Variants in DKK4 observed in about 807,000 individuals in gnomAD.
DKK4 encodes dickkopf Wnt signaling pathway inhibitor 4, also known as dickkopf-related protein 4.
DKK4 carries 15 observed loss-of-function variants against 14.5 expected under a neutral mutation model. The observed-to-expected ratio is 1.03, with a 90% CI of 0.69 to 1.59. The LOEUF is 1.59. Among genes scored for constraint, DKK4 ranks in the 40% most tolerant of loss-of-function variants. DKK4 has a pLI of 0.00. For synonymous variants in DKK4, 89 were observed against 105.2 expected (o/e 0.85, Z 0.94); for missense variants, 272 against 280.3 (o/e 0.97, Z 0.21).
chr8:42,376,942 G>A lies in DKK4; in HGVS notation c.104C>T (p.Ala35Val), dbSNP rs1429773544. The A allele has an allele frequency of 6.2e-7, 1 of 1,613,472 alleles. No individual in the cohort carries two copies. The highest frequency in any genetic ancestry group is 2.2e-5 in the East Asian group (1 of 44,884). The change falls in exon 1 of 4, where the codon GCC (alanine) becomes GTC (valine). Residue 35 changes from alanine to valine, a missense_variant. Physicochemically the swap from Ala to Val is moderately conservative, Grantham distance 64. Coordinates refer to ENST00000220812, the MANE Select transcript of DKK4 (RefSeq NM_014420.3). ...NIRSSADLHG[A>V]RKGSQCLSDT... ...CCTCCCTAGCAGCCTTACCTTCCGG[G>A]CCCCATGCAGGTCAGCAGAGCTCCT...
chr8:42,389,030 C>A, the DKK4 span, among the ~76,000 whole-genome samples: 2 of 152,132 alleles, frequency 1.3e-5, no homozygotes, highest in Non-Finnish European at 2.9e-5. Context: ...GCAGCCTTGA[C>A]CTCCCTGGGC....
At position 42,374,123 on chromosome 8, in the gene DKK4, A is replaced by G. The variant is rs200776586; in HGVS notation, c.652T>C (p.Cys218Arg). Residue 218 changes from cysteine (C) to arginine (R), a missense_variant, in exon 4 of 4, where the codon TGC (cysteine) becomes CGC (arginine). Physicochemically the swap from Cys to Arg is radical, Grantham distance 180. Coordinates refer to ENST00000220812, the MANE Select transcript of DKK4 (RefSeq NM_014420.3). ...ATTTATAGCTTTTCTATTTTTTGGC[A>G]TACTCTTAATCGAGCATGCTGCCGA... ...SNRQHARLRV[C>R]QKIEKL The G allele has an allele frequency of 4.5e-5, 73 of 1,611,670 alleles. 1 individual carries two copies. Among genetic ancestry groups the G allele is most frequent in the Middle Eastern group, 4.1e-4 (2 of 4,876 alleles).
chr8:42,377,000 G>C lies in DKK4; in HGVS notation c.46C>G (p.Leu16Val). The change falls in exon 1 of 4, where the codon CTG (leucine) becomes GTG (valine). Residue 16 changes from leucine to valine, a missense_variant. Leu to Val is a conservative substitution (Grantham distance 32). Transcript: ENST00000220812. ...LLGLSWLCSP[L>V]GALVLDFNNI... ...TTGAAGTCCAGGACCAGAGCTCCCA[G>C]GGGAGAGCAGAGCCAGCTCAGCCCC... 6.2e-7 allele frequency: 1 copy of C among 1,613,610 alleles called. No individual in the cohort carries two copies. Among genetic ancestry groups the C allele is most frequent in the South Asian group, 1.1e-5 (1 of 91,058 alleles).
the DKK4 span, among the ~76,000 whole-genome samples, chr8:42,388,524 C>T: frequency 6.6e-6 from 1 of 150,590 alleles, no homozygotes; most frequent in Non-Finnish European, 1.5e-5. Context: ...GGCACCGCAC[C>T]TGGTCTAAAC....
the DKK4 span, among the ~76,000 whole-genome samples, chr8:42,385,357 A>G: frequency 6.6e-6 from 1 of 152,096 alleles, no homozygotes; most frequent in African/African-American, 2.4e-5. Flanking sequence ...GCGCTGCTGC[A>G]CTCCAGCCTG....
chr8:42,386,482 TCTTTTGG>T, the DKK4 span, among the ~76,000 whole-genome samples: 1 of 151,950 alleles, frequency 6.6e-6, no homozygotes, highest in Non-Finnish European at 1.5e-5. Flanking sequence ...CCATTTGGGT[TCTTTTGG>T]CTTTGCTTTG....
chr8:42,376,257 C>A (rs749350387), intron 1 of DKK4, among the ~76,000 whole-genome samples: 3 of 152,256 alleles, frequency 2.0e-5, no homozygotes, highest in Non-Finnish European at 4.4e-5. Context: ...AGCTTAGAGA[C>A]CCTTCCCTAA....
the DKK4 span, among the ~76,000 whole-genome samples, chr8:42,388,073 T>C: frequency 1.3e-5 from 2 of 152,084 alleles, no homozygotes; most frequent in Non-Finnish European, 1.5e-5. Flanking sequence ...TAATTAAAAA[T>C]GTTTTTTTTA....
At position 42,375,751 on chromosome 8, in the gene DKK4, G is replaced by A; in HGVS notation, c.191C>T (p.Ala64Val). Residue 64 changes from alanine to valine, a missense_variant, in exon 2 of 4, where the codon GCT (alanine) becomes GTT (valine). Coordinates refer to ENST00000220812, the MANE Select transcript of DKK4 (RefSeq NM_014420.3). ...LQPRDEKPFC[A>V]TCRGLRRRCQ... ...CCTCCTCCGCAACCCACGACATGTA[G>A]CACAGAACGGCTTCTCATCGCGGGG... 1.2e-6 allele frequency: 2 copies of A among 1,614,068 alleles called. No homozygotes were observed. The highest frequency in any genetic ancestry group is 1.7e-6 in the Non-Finnish European group (2 of 1,179,968).
chr8:42,389,711 A>G, the DKK4 span, among the ~76,000 whole-genome samples: 1 of 152,216 alleles, frequency 6.6e-6, no homozygotes, highest in Non-Finnish European at 1.5e-5. Flanking sequence ...AGTGCAATGA[A>G]CACACATATA....
Position 42,374,219 on chromosome 8 carries a change from G to A in DKK4, c.556C>T (p.Gln186Ter), listed in dbSNP as rs1362047486. 3.7e-6 allele frequency: 6 copies of A among 1,613,342 alleles called. No individual in the cohort carries two copies. The highest frequency in any genetic ancestry group is 1.1e-5 in the South Asian group (1 of 90,940). ...CSRRGHKDTA[Q>*]APEIFQRCDC... ...CAACGCTGGAAGATTTCTGGAGCTT[G>A]AGCAGTGTCTTTATGCCCTCTTCTG... Residue 186 changes from glutamine (Q) to a stop codon, truncating the protein, a stop_gained, in exon 4 of 4, where the codon CAA becomes TAA. Transcript: ENST00000220812. LOFTEE classifies it low-confidence loss of function (END_TRUNC).
chr8:42,387,344 C>CTTTTTTT, the DKK4 span, among the ~76,000 whole-genome samples: 34 of 44,908 alleles, frequency 7.6e-4, 2 homozygotes, highest in Non-Finnish European at 1.3e-3. Flanking sequence ...GAAGGCCAGT[C>CTTTTTTT]TTTTTTTTTT....
At chr8:42,380,619 G>A (rs867858283), upstream of DKK4, among the ~76,000 whole-genome samples, 81 of 143,532 alleles carry the variant, frequency 5.6e-4, no homozygotes, top group Non-Finnish European at 3.0e-4. Flanking sequence ...GAAAGAAAAA[G>A]AGAAAGAAAG....
chr8:42,379,410 GAGAGAGAGAGAGA>G (rs1563415757), upstream of DKK4, among the ~76,000 whole-genome samples: 20 of 131,904 alleles, frequency 1.5e-4, 1 homozygote, highest in African/African-American at 5.0e-4. Flanking sequence ...GAGAGAGAGA[GAGAGAGAGAGAGA>G]GAGAAAGATT....
chr8:42,376,798 C>G (rs1824572656), intron 1 of DKK4, 137 bp downstream of exon 1: 1 of 693,600 alleles, frequency 1.4e-6, no homozygotes, highest in Non-Finnish European at 2.4e-6. Flanking sequence ...AGGATGCCCT[C>G]CCAAATCCGA....
At chr8:42,379,068 T>C (rs1824615478), upstream of DKK4, among the ~76,000 whole-genome samples, 1 of 150,656 alleles carries the variant, frequency 6.6e-6, no homozygotes, top group Non-Finnish European at 1.5e-5. Flanking sequence ...CTGGCCAATA[T>C]GGTGAAACCC....
In DKK4 at chr8:42,376,953, G is replaced by T; in HGVS notation, c.93C>A (p.Asp31Glu). 1 of 1,613,702 alleles carries T rather than the reference G, an allele frequency of 6.2e-7. No individual in the cohort carries two copies. The highest frequency in any genetic ancestry group is 8.5e-7 in the Non-Finnish European group (1 of 1,179,982). The change falls in exon 1 of 4, where the codon GAC becomes GAA. Residue 31 changes from aspartate to glutamate, a missense_variant. Physicochemically the swap from Asp to Glu is conservative, Grantham distance 45. Transcript: ENST00000220812. The stretch of plus-strand genomic sequence containing the variant: ...GCCTTACCTTCCGGGCCCCATGCAG[G>T]TCAGCAGAGCTCCTGATGTTGTTGA... ...LDFNNIRSSA[D>E]LHGARKGSQC... is the part of the protein sequence containing the mutation.
rs769424916 is a variant in DKK4, at chr8:42,377,013, C to T, written c.33G>A (p.Trp11Ter). Residue 11 changes from tryptophan to a stop codon, truncating the protein, a stop_gained, in exon 1 of 4, where the codon TGG becomes TGA. Transcript: ENST00000220812. LOFTEE classifies it high-confidence loss of function. The stretch of plus-strand genomic sequence containing the variant: ...CCAGAGCTCCCAGGGGAGAGCAGAG[C>T]CAGCTCAGCCCCAGCAGGACGGCCG... MVAAVLLGLS[W>*]LCSPLGALVL... 6.2e-7 allele frequency: 1 copy of T among 1,613,470 alleles called. No individual in the cohort carries two copies. The highest frequency in any genetic ancestry group is 1.1e-5 in the South Asian group (1 of 91,082).
chr8:42,376,835 AGACATTT>A (rs1824573264), intron 1 of DKK4, 93 bp downstream of exon 1: 1 of 984,552 alleles, frequency 1.0e-6, no homozygotes, highest in Non-Finnish European at 1.5e-6. Flanking sequence ...CTGCTAGGTA[AGACATTT>A]CATACATGAA....
Sources: allele counts gnomAD v4.1 joint callset (sites outside exome capture counted in the v4.1 genomes callset), GRCh38; gene constraint gnomAD v4.1.1; transcripts MANE v1.5; gene names NCBI Gene and HGNC (gene_info 2026-07-23, HGNC 2026-07-21).